The following RTN4RL1 variants were observed in gnomAD, a reference collection of about 807,000 sequenced individuals.
RTN4RL1 encodes the protein reticulon-4 receptor-like 1.
Under a neutral mutation model 25.6 loss-of-function variants are expected in RTN4RL1, and 7 were observed. The observed-to-expected ratio is 0.27, with a 90% CI of 0.16 to 0.51. The LOEUF is 0.51. Among genes scored for constraint, RTN4RL1 ranks in the 20% least tolerant of loss-of-function variants. RTN4RL1 has a pLI of 0.97. For missense variants in RTN4RL1, 500 were observed against 615.6 expected (o/e 0.81, Z 1.99); for synonymous variants, 297 against 288.2 (o/e 1.03, Z -0.31).
At chr17:1,969,405 T>C (rs746153305) in intron 1 of RTN4RL1, among the ~76,000 whole-genome samples, 4 of 152,120 alleles carry the variant, frequency 2.6e-5, no homozygotes, top group Non-Finnish European at 5.9e-5. Context: ...CAAGGACCTC[T>C]GCAACAGTCT....
chr17:2,002,656 CTTTT>C (rs369360872), intron 1 of RTN4RL1, among the ~76,000 whole-genome samples: 78 of 152,182 alleles, frequency 5.1e-4, no homozygotes, highest in African/African-American at 1.8e-3. Context: ...TCCTTCCTTT[CTTTT>C]CTCTGTCTCT....
intron 1 of RTN4RL1, among the ~76,000 whole-genome samples, chr17:1,997,190 A>G (rs2066933149): frequency 1.3e-5 from 2 of 152,324 alleles, no homozygotes; most frequent in South Asian, 2.1e-4. Flanking sequence ...GGCCCACGAG[A>G]CCTTCAGGGA....
At position 1,998,527 on chromosome 17, in the gene RTN4RL1, C is replaced by T. The variant is rs1468560644; in HGVS notation, c.13+26326G>A. Among the ~76,000 whole-genome samples the T allele has an allele frequency of 6.6e-6, 1 of 152,086 alleles. No individual in the cohort carries two copies. The highest frequency in any genetic ancestry group is 1.5e-5 in the Non-Finnish European group (1 of 67,990). On this transcript the variant is annotated intron_variant, in intron 1 of 1. Coordinates refer to ENST00000331238, the MANE Select transcript of RTN4RL1 (RefSeq NM_178568.4). This position sits in a 1 kb window ranked among gnomAD's most constrained non-coding sequence, Gnocchi z 4.9. ...TGCCCCCGGGCCGGCCACCGCTGCC[C>T]AGCGCGCAGGTCCCTGCCGGATCCC... is the stretch of plus-strand genomic sequence containing the variant.
At chr17:1,986,571 G>A (rs891718743) in intron 1 of RTN4RL1, among the ~76,000 whole-genome samples, 4 of 152,160 alleles carry the variant, frequency 2.6e-5, no homozygotes, top group Non-Finnish European at 4.4e-5. Flanking sequence ...ACGTGAAGTC[G>A]GAGGCAGAGA....
chr17:1,978,633 T>TGGG (rs35569086), intron 1 of RTN4RL1, among the ~76,000 whole-genome samples: 37 of 146,498 alleles, frequency 2.5e-4, no homozygotes, highest in South Asian at 1.3e-3. Context: ...ATCCGGAAAA[T>TGGG]GGGGGGGGTG....
At chr17:1,980,790 G>C (rs1320225850) in intron 1 of RTN4RL1, among the ~76,000 whole-genome samples, 6 of 151,590 alleles carry the variant, frequency 4.0e-5, no homozygotes, top group Non-Finnish European at 7.4e-5. Flanking sequence ...ACAGCCGAGT[G>C]TGGTGGTGTA....
intron 1 of RTN4RL1, among the ~76,000 whole-genome samples, chr17:1,971,840 T>C (rs1360222813): frequency 6.6e-6 from 1 of 151,570 alleles, no homozygotes; most frequent in Non-Finnish European, 1.5e-5. Context: ...CGGGCGCCTG[T>C]AGTCCCAGCT....
intron 1 of RTN4RL1, among the ~76,000 whole-genome samples, chr17:1,983,939 C>T (rs1351970086): frequency 1.3e-5 from 2 of 152,152 alleles, no homozygotes; most frequent in Non-Finnish European, 2.9e-5. Flanking sequence ...TCCCTCCCGG[C>T]TGGGACATGT....
intron 1 of RTN4RL1, among the ~76,000 whole-genome samples, chr17:1,999,331 A>C (rs753401550): frequency 6.6e-6 from 1 of 152,074 alleles, no homozygotes; most frequent in Non-Finnish European, 1.5e-5. Context: ...CTGTGATCCC[A>C]GCTACTCGGG....
chr17:1,964,239 ATT>A (rs1597498140), intron 1 of RTN4RL1, among the ~76,000 whole-genome samples: 1 of 152,238 alleles, frequency 6.6e-6, no homozygotes, highest in Admixed American at 6.5e-5. Context: ...ATAATTTTAT[ATT>A]GATTGCATGT....
At position 2,019,823 on chromosome 17, in the gene RTN4RL1, ACT is replaced by A. The variant is rs1192162682; in HGVS notation, c.13+5028_13+5029del. 14 of 152,324 alleles carry A rather than the reference ACT, an allele frequency of 9.2e-5. No individual in the cohort carries two copies. In the East Asian group the frequency reaches 2.5e-3, roughly 27 times the overall value. 9.4% of individuals were successfully genotyped at this position (152,324 alleles called of 1,614,324 possible). On this transcript the variant is annotated intron_variant, in intron 1 of 1. Coordinates refer to ENST00000331238, the MANE Select transcript of RTN4RL1 (RefSeq NM_178568.4). Reference sequence around the variant, plus strand: ...TTCCCTGTAGAAAATGGACCTGAACACTCTGCAGTAAGGAATTGTTTCCCATG... The same window carrying A: ...TTCCCTGTAGAAAATGGACCTGAACACTGCAGTAAGGAATTGTTTCCCATG...
At chr17:2,015,477 G>T (rs376709773) in intron 1 of RTN4RL1, among the ~76,000 whole-genome samples, 2 of 152,154 alleles carry the variant, frequency 1.3e-5, no homozygotes, top group African/African-American at 4.8e-5. Flanking sequence ...GCGCTGCCCG[G>T]GGAGGTGCCA....
chr17:1,975,450 A>G (rs1209805509), intron 1 of RTN4RL1, among the ~76,000 whole-genome samples: 1 of 152,122 alleles, frequency 6.6e-6, no homozygotes, highest in Non-Finnish European at 1.5e-5. Flanking sequence ...CAGGAGTTGG[A>G]GACCAGCCTG....
intron 1 of RTN4RL1, among the ~76,000 whole-genome samples, chr17:2,005,592 T>G (rs1212736871): frequency 1.3e-5 from 2 of 151,922 alleles, no homozygotes; most frequent in Non-Finnish European, 2.9e-5. Flanking sequence ...TCATGGCTGG[T>G]GTGGTGGCGT....
intron 1 of RTN4RL1, among the ~76,000 whole-genome samples, chr17:1,942,538 T>C (rs1006941445): frequency 6.6e-6 from 1 of 152,092 alleles, no homozygotes; most frequent in Non-Finnish European, 1.5e-5. Context: ...CCGTGCCACC[T>C]GCCAACATTG....
intron 1 of RTN4RL1, among the ~76,000 whole-genome samples, chr17:2,015,391 C>G (rs1056176013): frequency 6.6e-6 from 1 of 152,096 alleles, no homozygotes; most frequent in Admixed American, 6.6e-5. Flanking sequence ...AGGCTGGAGA[C>G]GGGATATCTG....
chr17:1,955,736 A>G (rs1915779017), intron 1 of RTN4RL1, among the ~76,000 whole-genome samples: 1 of 151,616 alleles, frequency 6.6e-6, no homozygotes, highest in Non-Finnish European at 1.5e-5. Context: ...GGCGCCCACC[A>G]CCATGCCCGG....
rs940649138 is a variant in RTN4RL1, at chr17:1,936,243, T to G, written c.*253A>C. On this transcript the variant is annotated 3_prime_UTR_variant, in exon 2 of 2. Coordinates refer to ENST00000331238, the MANE Select transcript of RTN4RL1 (RefSeq NM_178568.4). Reference sequence around the variant, plus strand: ...AGTGCCTTTTCCCACCTTGCCAGAGTGGACACTGTCCGTGGGCGCTCTGCG... The same window carrying G: ...AGTGCCTTTTCCCACCTTGCCAGAGGGGACACTGTCCGTGGGCGCTCTGCG... 3 of 1,306,086 alleles carry G rather than the reference T, an allele frequency of 2.3e-6. No homozygotes were observed. Among genetic ancestry groups the G allele is most frequent in the African/African-American group, 3.1e-5 (2 of 64,828 alleles). 80.9% of individuals were successfully genotyped at this position (1,306,086 alleles called of 1,614,324 possible). A position where few individuals can be genotyped will look rare whatever the true frequency, so the allele number is the denominator to read the frequency against.
At chr17:1,945,102 T>C (rs79059928) in intron 1 of RTN4RL1, among the ~76,000 whole-genome samples, 1 of 152,182 alleles carries the variant, frequency 6.6e-6, no homozygotes, top group Non-Finnish European at 1.5e-5. Flanking sequence ...CTGTTCCCTC[T>C]GCCTGGAGCG....
Sources: allele counts gnomAD v4.1 joint callset (sites outside exome capture counted in the v4.1 genomes callset), GRCh38; gene constraint gnomAD v4.1.1; non-coding constraint Gnocchi (gnomAD v3.1); transcripts MANE v1.5; gene names NCBI Gene and HGNC (gene_info 2026-07-23, HGNC 2026-07-21).